Variants in TCN2 observed in about 807,000 individuals in gnomAD.
The protein encoded by TCN2 is transcobalamin 2.
Under a neutral mutation model 48.6 loss-of-function variants are expected in TCN2, and 34 were observed. The observed-to-expected ratio is 0.70, with a 90% confidence interval of 0.53 to 0.93. The LOEUF (loss-of-function observed/expected upper bound fraction) is 0.93. Ranked by LOEUF, TCN2 falls within the 40% of genes least tolerant of loss-of-function variation. TCN2 has a pLI of 0.00. For missense variants in TCN2, 652 were observed against 526.1 expected (o/e 1.24, Z -2.34); for synonymous variants, 283 against 212.5 (o/e 1.33, Z -2.89).
At chr22:30,617,687 C>T in intron 7 of TCN2, 192 bp downstream of exon 7, 1 of 748,972 alleles carries the variant, frequency 1.3e-6, no homozygotes. Context: ...AGCATTGTCA[C>T]TGAGAGAGCA....
rs1343183355 is a variant in TCN2 at position 30,611,532 on chromosome 22, T to G, written c.257+469T>G. ...CAGAAGCAGCATCTTTTCTTTTCTTTCCTCTCACTCTGTTGCCCAGGCTAG... is the reference window on the plus strand; with the variant it reads ...CAGAAGCAGCATCTTTTCTTTTCTTGCCTCTCACTCTGTTGCCCAGGCTAG... On this transcript the variant is annotated intron_variant, in intron 2 of 8. Coordinates refer to ENST00000215838, the MANE Select transcript of TCN2 (RefSeq NM_000355.4). Among the ~76,000 whole-genome samples, 7 of 152,218 alleles carry G rather than the reference T, an allele frequency of 4.6e-5. No individual in the cohort carries two copies. The East Asian group carries it at 1.2e-3, about 25-fold the overall frequency.
intron 6 of TCN2, among the ~76,000 whole-genome samples, chr22:30,616,770 C>T (rs1394574200): frequency 6.6e-6 from 1 of 152,192 alleles, no homozygotes; most frequent in Non-Finnish European, 1.5e-5. Flanking sequence ...CATTGCACTT[C>T]AGCCTGGGCG....
chr22:30,616,231 C>A (rs2087611456), intron 6 of TCN2, among the ~76,000 whole-genome samples: 1 of 152,182 alleles, frequency 6.6e-6, no homozygotes, highest in Non-Finnish European at 1.5e-5. Flanking sequence ...TGCCTGTAAT[C>A]CCAACACTTT....
At chr22:30,617,161 G>A (rs1279526412) in intron 6 of TCN2, among the ~76,000 whole-genome samples, 169 bp from the exon 7 acceptor site, 1 of 152,092 alleles carries the variant, frequency 6.6e-6, no homozygotes, top group Non-Finnish European at 1.5e-5. Context: ...AGGGACAGGG[G>A]AGGCCGGGAT....
rs1425164489 is a variant in TCN2 at position 30,617,374 on chromosome 22, A to G, written c.985A>G (p.Ile329Val). The change falls in exon 7 of 9, where the codon ATC becomes GTC. Residue 329 changes from isoleucine to valine, a missense_variant. By Grantham distance (29) the Ile-to-Val change is conservative. Coordinates refer to ENST00000215838, the MANE Select transcript of TCN2 (RefSeq NM_000355.4). ...AAETIPQTQE[I>V]ISVTLQVLSL... is the part of the protein sequence containing the mutation. ...TGAGACCATTCCTCAGACCCAAGAG[A>G]TCATCAGTGTCACGCTGCAGGTGCT... 6.2e-7 allele frequency: 1 copy of G among 1,613,976 alleles called. No homozygotes were observed. The highest frequency in any genetic ancestry group is 1.3e-5 in the African/African-American group (1 of 74,872).
Position 30,615,718 on chromosome 22 carries a change from C to G in TCN2, c.871C>G (p.Gln291Glu). 1 of 1,614,228 alleles carries G rather than the reference C, an allele frequency of 6.2e-7. No homozygotes were observed. Among genetic ancestry groups the G allele is most frequent in the Non-Finnish European group, 8.5e-7 (1 of 1,180,046 alleles). Residue 291 changes from glutamine (Q) to glutamate (E), a missense_variant, in exon 6 of 9, where the codon CAG becomes GAG. By Grantham distance (29) the Gln-to-Glu change is conservative (BLOSUM62 2). Transcript: ENST00000215838. ...GAFQNALMIS[Q>E]LLPVLNHKTY... ...CTTCCAGAATGCTCTCATGATTTCCCAGCTGCTGCCCGTTCTGAACCACAA... is the reference window on the plus strand; with the variant it reads ...CTTCCAGAATGCTCTCATGATTTCCGAGCTGCTGCCCGTTCTGAACCACAA...
intron 7 of TCN2, among the ~76,000 whole-genome samples, chr22:30,618,309 A>G (rs1401473450): frequency 2.0e-5 from 3 of 151,132 alleles, no homozygotes; most frequent in Non-Finnish European, 4.4e-5. Context: ...TCTATTACCC[A>G]GGCTCTGGAG....
chr22:30,622,668 A>G (rs1360862759), intron 7 of TCN2, among the ~76,000 whole-genome samples: 4 of 152,112 alleles, frequency 2.6e-5, no homozygotes, highest in Non-Finnish European at 5.9e-5. Flanking sequence ...CCCCCATAAC[A>G]TCAGCCCCCC....
At chr22:30,613,691 C>T (rs1016541487) in intron 3 of TCN2, among the ~76,000 whole-genome samples, 1 of 152,180 alleles carries the variant, frequency 6.6e-6, no homozygotes, top group Admixed American at 6.5e-5. Flanking sequence ...ACTAGCTCTC[C>T]TGCCCTGACT....
rs539603952 is a variant in TCN2, at chr22:30,623,357, C to T, written c.1222+274C>T. Reference sequence around the variant, plus strand: ...CCTAGGATATACTACCTAGGAATAACGTCTTTTATTTTGAGATGGAGTTTC... The same window carrying T: ...CCTAGGATATACTACCTAGGAATAATGTCTTTTATTTTGAGATGGAGTTTC... On this transcript the variant is annotated intron_variant, in intron 8 of 8. Coordinates refer to ENST00000215838, the MANE Select transcript of TCN2 (RefSeq NM_000355.4). 794 of 380,168 alleles carry T rather than the reference C, an allele frequency of 2.1e-3. 18 individuals are homozygous for T. The South Asian group carries it at 0.023, about 11-fold the overall frequency. The allele number at this position is 380,168 out of a possible 1,614,324, so 23.5% of individuals were successfully genotyped here. A position where few individuals can be genotyped will look rare whatever the true frequency, so the allele number is the denominator to read the frequency against.
In TCN2 at chr22:30,626,835, C is replaced by T. The variant is rs1486522830; in HGVS notation, c.*314C>T. The T allele has an allele frequency of 1.5e-5, 7 of 476,652 alleles. No homozygotes were observed. Among genetic ancestry groups the T allele is most frequent in the South Asian group, 1.1e-4 (5 of 45,744 alleles). 29.5% of individuals were successfully genotyped at this position (476,652 alleles called of 1,614,324 possible). A position where few individuals can be genotyped will look rare whatever the true frequency, so the allele number is the denominator to read the frequency against. On this transcript the variant is annotated 3_prime_UTR_variant, in exon 9 of 9. Coordinates refer to ENST00000215838, the MANE Select transcript of TCN2 (RefSeq NM_000355.4). ...GCATCTCAGACTCCTTGGCAAAAAA[C>T]GGAGTCCGCAGGCCGCAGGTGTTGT...
At position 30,613,153 on chromosome 22, in the gene TCN2, C is replaced by T. The variant is rs542450422; in HGVS notation, c.427+111C>T. The T allele has an allele frequency of 1.2e-5, 17 of 1,446,156 alleles. No homozygotes were observed. The East Asian group carries it at 3.5e-4, about 29-fold the overall frequency. The allele number at this position is 1,446,156 out of a possible 1,614,324, so 89.6% of individuals were successfully genotyped here. A position where few individuals can be genotyped will look rare whatever the true frequency, so the allele number is the denominator to read the frequency against. On this transcript the variant is annotated intron_variant, in intron 3 of 8. Coordinates refer to ENST00000215838, the MANE Select transcript of TCN2 (RefSeq NM_000355.4). ...TTTTCTCCCCAGGCGTCTTTCCCAC[C>T]ATCCATTCTGCCCATCTCACTGCCT... is the stretch of plus-strand genomic sequence containing the variant.
intron 6 of TCN2, among the ~76,000 whole-genome samples, chr22:30,617,026 T>C (rs942004358): frequency 2.6e-5 from 4 of 151,388 alleles, no homozygotes; most frequent in African/African-American, 9.7e-5. Flanking sequence ...CCCTCTGGAG[T>C]GCTAGGTGCC....
At chr22:30,624,755 C>T (rs2087778758) in intron 8 of TCN2, among the ~76,000 whole-genome samples, 1 of 152,100 alleles carries the variant, frequency 6.6e-6, no homozygotes, top group African/African-American at 2.4e-5. Context: ...AAAATAGCGC[C>T]CAGGCTACAC....
intron 8 of TCN2, 174 bp downstream of exon 8, chr22:30,623,257 GC>G (rs1467898326): frequency 1.8e-6 from 1 of 557,052 alleles, no homozygotes; most frequent in African/African-American, 1.9e-5. Context: ...GAATTTTTAT[GC>G]AAGTTACTGT....
At chr22:30,612,515 A>C (rs2087556374) in intron 2 of TCN2, among the ~76,000 whole-genome samples, 1 of 152,166 alleles carries the variant, frequency 6.6e-6, no homozygotes, top group Admixed American at 6.6e-5. Flanking sequence ...ATGCCACTGC[A>C]CTCCAGCCTG....
chr22:30,623,296 CAAAAAA>C (rs11305698), intron 8 of TCN2: 1 of 373,012 alleles, frequency 2.7e-6, no homozygotes. Context: ...AGACAGATTA[CAAAAAA>C]AAAAAAAAAC....
At chr22:30,607,792 C>T (rs911302371) in intron 1 of TCN2, among the ~76,000 whole-genome samples, 2 of 152,024 alleles carry the variant, frequency 1.3e-5, no homozygotes, top group Admixed American at 1.3e-4. Context: ...AAGGCTGAGG[C>T]GGGAGGGGAG....
intron 7 of TCN2, among the ~76,000 whole-genome samples, chr22:30,620,434 C>A (rs2087682157): frequency 6.6e-6 from 1 of 152,372 alleles, no homozygotes; most frequent in East Asian, 1.9e-4. Context: ...TTTAGCACCT[C>A]CCTGTATTCA....
Sources: gnomAD v4.1 joint callset for allele counts (sites outside exome capture counted in the v4.1 genomes callset) on GRCh38, gnomAD v4.1.1 for gene constraint, MANE v1.5 for transcripts, NCBI Gene and HGNC (gene_info 2026-07-23, HGNC 2026-07-21) for gene names.